The following KSR2 variants were observed in gnomAD, a reference collection of about 807,000 sequenced individuals.
The protein encoded by KSR2 is kinase suppressor of ras 2.
KSR2 carries 25 observed loss-of-function variants against 107.8 expected under a neutral mutation model. The observed-to-expected ratio is 0.23, with a 90% CI of 0.17 to 0.32. The LOEUF is 0.32. KSR2 is among the 10% of genes least tolerant of loss of function. KSR2 has a pLI of 1.00. For missense variants in KSR2, 887 were observed against 1,268.9 expected (o/e 0.70, Z 4.57); for synonymous variants, 480 against 507.0 (o/e 0.95, Z 0.71).
rs1404802390 is a variant in KSR2 at position 117,462,869 on chromosome 12, A to G, written c.*4330T>C. On this transcript the variant is annotated 3_prime_UTR_variant, in exon 20 of 20. Transcript: ENST00000339824. ...TCACAGAGCGTTGGAACCCTAATCT[A>G]ATAAGATTGTTGTCTTTATCAGAAG... The G allele has an allele frequency of 6.6e-6, 1 of 152,202 alleles. No individual in the cohort carries two copies. The highest frequency in any genetic ancestry group is 2.1e-4 in the South Asian group (1 of 4,830). 9.4% of individuals were successfully genotyped at this position (152,202 alleles called of 1,614,324 possible). A position where few individuals can be genotyped will look rare whatever the true frequency, so the allele number is the denominator to read the frequency against.
chr12:117,783,074 C>A (rs1427546046), intron 3 of KSR2, among the ~76,000 whole-genome samples: 1 of 152,168 alleles, frequency 6.6e-6, no homozygotes, highest in African/African-American at 2.4e-5. Flanking sequence ...TTGCTGTCAG[C>A]ATTCAATATC....
intron 1 of KSR2, among the ~76,000 whole-genome samples, chr12:117,884,970 C>T (rs191311419): frequency 3.3e-5 from 5 of 152,302 alleles, no homozygotes; most frequent in African/African-American, 7.2e-5. Flanking sequence ...TCTTCCCCAC[C>T]GACACGCAGC....
chr12:117,460,729 T>C lies in KSR2; in HGVS notation c.*6470A>G, dbSNP rs1164467158. 6.6e-6 allele frequency: 1 copy of C among 152,114 alleles called. No homozygotes were observed. The highest frequency in any genetic ancestry group is 1.5e-5 in the Non-Finnish European group (1 of 68,056). The allele number at this position is 152,114 out of a possible 1,614,324, so 9.4% of individuals were successfully genotyped here. On this transcript the variant is annotated 3_prime_UTR_variant, in exon 20 of 20. Transcript: ENST00000339824. ...TGACCTGGAGGTGGGTTCCTGGGAA[T>C]GGATGAGCCCAAAGACTCGTTTTTA...
At chr12:117,561,855 G>A (rs1878142371) in intron 7 of KSR2, among the ~76,000 whole-genome samples, 2 of 152,192 alleles carry the variant, frequency 1.3e-5, no homozygotes, top group Admixed American at 1.3e-4. Context: ...ATGCTTCAAA[G>A]CCCTGATGCA....
In KSR2 at chr12:117,807,017, C is replaced by T. The variant is rs1028893458; in HGVS notation, c.473-45493G>A. ...GGAGGGACAAGGATGGAGACACAGG[C>T]GCCTGTTCCGCTCAGCCCCGCTCAG... On this transcript the variant is annotated intron_variant, in intron 3 of 19. Coordinates refer to ENST00000339824, the MANE Select transcript of KSR2 (RefSeq NM_173598.6). Among the ~76,000 whole-genome samples, 7 of 152,186 alleles carry T rather than the reference C, an allele frequency of 4.6e-5. No homozygotes were observed. In the East Asian group the frequency reaches 9.6e-4, roughly 21 times the overall value.
chr12:117,944,137 G>A (rs1896102005), intron 1 of KSR2, among the ~76,000 whole-genome samples: 1 of 152,202 alleles, frequency 6.6e-6, no homozygotes, highest in South Asian at 2.1e-4. Context: ...AGCACTTTGG[G>A]AGGCTGAGGC....
At chr12:117,581,002 A>G (rs1337741249) in intron 6 of KSR2, among the ~76,000 whole-genome samples, 1 of 152,222 alleles carries the variant, frequency 6.6e-6, no homozygotes. Flanking sequence ...GAGAGCAGTG[A>G]GGAGGAAAAT....
chr12:117,794,265 A>C (rs1347161258), intron 3 of KSR2, among the ~76,000 whole-genome samples: 1 of 114,636 alleles, frequency 8.7e-6, no homozygotes, highest in Non-Finnish European at 1.7e-5. Context: ...ACATACACCA[A>C]CATGCACACA....
At chr12:117,490,373 A>G (rs1872685276) in intron 14 of KSR2, among the ~76,000 whole-genome samples, 1 of 152,212 alleles carries the variant, frequency 6.6e-6, no homozygotes, top group Non-Finnish European at 1.5e-5. Flanking sequence ...ACAGGCTGAC[A>G]TGTCCTGGGC....
intron 1 of KSR2, among the ~76,000 whole-genome samples, chr12:117,903,367 C>A (rs888935761): frequency 6.6e-6 from 1 of 152,076 alleles, no homozygotes; most frequent in Non-Finnish European, 1.5e-5. Flanking sequence ...CATTGAGTCA[C>A]CCGAGTTAGC....
At chr12:117,867,141 C>T (rs1172741810) in intron 1 of KSR2, among the ~76,000 whole-genome samples, 2 of 151,900 alleles carry the variant, frequency 1.3e-5, no homozygotes, top group Non-Finnish European at 2.9e-5. Flanking sequence ...CATGGTAAGA[C>T]CCTGTCTCTA....
At chr12:117,544,367 C>G (rs540912712) in intron 9 of KSR2, among the ~76,000 whole-genome samples, 5 of 152,200 alleles carry the variant, frequency 3.3e-5, no homozygotes, top group African/African-American at 1.2e-4. Context: ...CGCTTGTAAT[C>G]CTAGCACTTT....
chr12:117,561,186 A>G (rs1429491433), intron 7 of KSR2, among the ~76,000 whole-genome samples: 1 of 152,230 alleles, frequency 6.6e-6, no homozygotes, highest in Non-Finnish European at 1.5e-5. Context: ...ATCATGACAG[A>G]GTGTTAGACA....
chr12:117,964,917 C>A (rs1409724659), intron 1 of KSR2, among the ~76,000 whole-genome samples: 1 of 152,204 alleles, frequency 6.6e-6, no homozygotes, highest in Non-Finnish European at 1.5e-5. Flanking sequence ...CGCTGGCTGT[C>A]CACTTACTTA....
intron 3 of KSR2, among the ~76,000 whole-genome samples, chr12:117,772,456 T>C (rs1367645967): frequency 2.1e-4 from 15 of 72,758 alleles, no homozygotes; most frequent in African/African-American, 3.7e-4. Context: ...CACTCACACA[T>C]ACACACCATT....
At chr12:117,958,885 TTACAGATA>T (rs1896587629) in intron 1 of KSR2, among the ~76,000 whole-genome samples, 1 of 106,968 alleles carries the variant, frequency 9.3e-6, no homozygotes, top group Non-Finnish European at 2.1e-5. Flanking sequence ...ATAATACTTT[TTACAGATA>T]TATAGAAAAA....
chr12:117,607,086 C>T (rs1881317436), intron 5 of KSR2, among the ~76,000 whole-genome samples: 1 of 152,148 alleles, frequency 6.6e-6, no homozygotes, highest in Non-Finnish European at 1.5e-5. Context: ...GATTTGTCCA[C>T]TGGCTCATTG....
At chr12:117,775,923 TG>T (rs1889669186) in intron 3 of KSR2, among the ~76,000 whole-genome samples, 1 of 152,008 alleles carries the variant, frequency 6.6e-6, no homozygotes. Flanking sequence ...CAATGGACTT[TG>T]GGAACCCAGC....
chr12:117,828,290 T>C (rs971024820), intron 3 of KSR2, among the ~76,000 whole-genome samples: 1 of 152,206 alleles, frequency 6.6e-6, no homozygotes, highest in Non-Finnish European at 1.5e-5. Flanking sequence ...TTTCAACCTA[T>C]GATTAGCAAA....
Sources: gnomAD v4.1 joint callset for allele counts (sites outside exome capture counted in the v4.1 genomes callset) on GRCh38, gnomAD v4.1.1 for gene constraint, MANE v1.5 for transcripts, NCBI Gene and HGNC (gene_info 2026-07-23, HGNC 2026-07-21) for gene names.